The following UBE2L3 variants were observed in gnomAD, a reference collection of about 807,000 sequenced individuals.
UBE2L3 encodes ubiquitin-conjugating enzyme E2 L3.
A neutral mutation model predicts 17.8 loss-of-function variants in UBE2L3; 1 was observed. The observed-to-expected ratio is 0.06, with a 90% CI of 0.02 to 0.27. The LOEUF is 0.27. Ranked by LOEUF, UBE2L3 falls within the 10% of genes least tolerant of loss-of-function variation. The pLI is 1.00. For missense variants in UBE2L3, 40 were observed against 192.6 expected (o/e 0.21, Z 4.69); for synonymous variants, 44 against 68.5 (o/e 0.64, Z 1.76).
chr22:21,581,768 C>T (rs1408499095), intron 1 of UBE2L3, among the ~76,000 whole-genome samples: 11 of 150,446 alleles, frequency 7.3e-5, no homozygotes, highest in African/African-American at 2.7e-4. Context: ...CAACATTGCA[C>T]TCCAACCTGG....
At chr22:21,611,326 G>T (rs924405155) in intron 3 of UBE2L3, among the ~76,000 whole-genome samples, 4 of 152,222 alleles carry the variant, frequency 2.6e-5, no homozygotes, top group Non-Finnish European at 4.4e-5. Context: ...GTGCAGAGAG[G>T]TGCAGGCACT....
intron 3 of UBE2L3, among the ~76,000 whole-genome samples, chr22:21,613,112 T>C (rs1929592572): frequency 6.6e-6 from 1 of 152,182 alleles, no homozygotes; most frequent in African/African-American, 2.4e-5. Context: ...GCACCTCAGG[T>C]TCTGGCCACA....
chr22:21,600,040 G>A lies in UBE2L3; in HGVS notation c.123+7084G>A, dbSNP rs562967240. 5.9e-5 allele frequency among the ~76,000 whole-genome samples: 9 copies of A among 152,206 alleles called. No homozygotes were observed. The East Asian group carries it at 7.7e-4, about 13-fold the overall frequency. ...AAAATACTTATTCCTGGCCGGGCGC[G>A]GTGGCTCATGCCAGTAATCCCAGCA... On this transcript the variant is annotated intron_variant, in intron 2 of 3. Coordinates refer to ENST00000342192, the MANE Select transcript of UBE2L3 (RefSeq NM_003347.4).
intron 2 of UBE2L3, among the ~76,000 whole-genome samples, chr22:21,593,443 C>T (rs1928366147): frequency 6.6e-6 from 1 of 152,134 alleles, no homozygotes; most frequent in South Asian, 2.1e-4. Flanking sequence ...TTCCTAATTG[C>T]CCACATGTTC....
At chr22:21,612,486 C>T (rs983122121) in intron 3 of UBE2L3, among the ~76,000 whole-genome samples, 4 of 151,218 alleles carry the variant, frequency 2.6e-5, no homozygotes, top group African/African-American at 4.9e-5. Flanking sequence ...CCACCACGCC[C>T]GGCTAATTTT....
At chr22:21,567,818 G>C (rs979739588) in intron 1 of UBE2L3, 47 bp downstream of exon 1, 2 of 1,564,896 alleles carry the variant, frequency 1.3e-6, no homozygotes, top group South Asian at 1.2e-5. Context: ...CGGCGTCCTA[G>C]GCTCCGGATC....
At chr22:21,599,138 GC>G (rs1341556844) in intron 2 of UBE2L3, among the ~76,000 whole-genome samples, 1 of 152,100 alleles carries the variant, frequency 6.6e-6, no homozygotes, top group Non-Finnish European at 1.5e-5. Flanking sequence ...AAGCTTATTT[GC>G]ACAGCAGTTG....
At chr22:21,597,128 A>C (rs1268622641) in intron 2 of UBE2L3, among the ~76,000 whole-genome samples, 2 of 151,402 alleles carry the variant, frequency 1.3e-5, no homozygotes, top group African/African-American at 2.4e-5. Context: ...ATAGGCGTGC[A>C]CCACCACACC....
At chr22:21,594,253 G>A (rs1399475527) in intron 2 of UBE2L3, among the ~76,000 whole-genome samples, 1 of 152,190 alleles carries the variant, frequency 6.6e-6, no homozygotes, top group Non-Finnish European at 1.5e-5. Flanking sequence ...GCAGAGCATG[G>A]AGCATGCTTC....
In UBE2L3 at chr22:21,597,775, A is replaced by ATTTTTTTTTTTTTTTTTT. The variant is rs35054754; in HGVS notation, c.123+4834_123+4851dup. 3.9e-4 allele frequency among the ~76,000 whole-genome samples: 10 copies of ATTTTTTTTTTTTTTTTTT among 25,602 alleles called. 2 individuals are homozygous for ATTTTTTTTTTTTTTTTTT. Among genetic ancestry groups the ATTTTTTTTTTTTTTTTTT allele is most frequent in the Non-Finnish European group, 5.5e-4 (8 of 14,436 alleles). 16.8% of individuals were successfully genotyped at this position (25,602 alleles called of 152,430 possible). A position where few individuals can be genotyped will look rare whatever the true frequency, so the allele number is the denominator to read the frequency against. On this transcript the variant is annotated intron_variant, in intron 2 of 3. Transcript: ENST00000342192. ...GGATCTTTGATCCATTTATATGTAG[A>ATTTTTTTTTTTTTTTTTT]TTTTTTTTTTTTTTTTTTTTTTTTT...
At chr22:21,575,520 C>T (rs1319597507) in intron 1 of UBE2L3, among the ~76,000 whole-genome samples, 3 of 142,560 alleles carry the variant, frequency 2.1e-5, no homozygotes, top group South Asian at 2.5e-4. Context: ...ATCCGGGAGG[C>T]GGAGGTTGCA....
At chr22:21,617,493 C>G (rs1398718736) in intron 3 of UBE2L3, among the ~76,000 whole-genome samples, 1 of 152,226 alleles carries the variant, frequency 6.6e-6, no homozygotes, top group East Asian at 1.9e-4. Context: ...TCTTGAACTC[C>G]TGAGCTCAGA....
At chr22:21,617,636 G>A (rs1306931303) in intron 3 of UBE2L3, among the ~76,000 whole-genome samples, 1 of 152,088 alleles carries the variant, frequency 6.6e-6, no homozygotes, top group Non-Finnish European at 1.5e-5. Flanking sequence ...TTGGGTCATG[G>A]AAGAGACCAA....
intron 1 of UBE2L3, among the ~76,000 whole-genome samples, chr22:21,561,344 G>A (rs1407250842): frequency 6.6e-6 from 1 of 152,310 alleles, no homozygotes; most frequent in African/African-American, 2.4e-5. Flanking sequence ...GGGAGGCTGA[G>A]GTGGGAGAAT....
At chr22:21,615,806 G>C (rs1236735120) in intron 3 of UBE2L3, among the ~76,000 whole-genome samples, 1 of 152,200 alleles carries the variant, frequency 6.6e-6, no homozygotes, top group Non-Finnish European at 1.5e-5. Flanking sequence ...GAGGTTGTGT[G>C]GTTGAACAGT....
chr22:21,565,995 T>TG (rs1377578994), upstream of UBE2L3, among the ~76,000 whole-genome samples: 1 of 133,844 alleles, frequency 7.5e-6, no homozygotes, highest in Non-Finnish European at 1.6e-5. Context: ...TTTTTTAAGA[T>TG]GGAGTCTCAC....
upstream of UBE2L3, among the ~76,000 whole-genome samples, chr22:21,563,952 C>T (rs755249347): frequency 1.6e-4 from 25 of 151,622 alleles, no homozygotes; most frequent in African/African-American, 1.9e-4. Flanking sequence ...GTAATTCTCC[C>T]GCTTCAGCCT....
chr22:21,618,631 C>T (rs1929904195), intron 3 of UBE2L3, among the ~76,000 whole-genome samples: 1 of 151,398 alleles, frequency 6.6e-6, no homozygotes, highest in Non-Finnish European at 1.5e-5. Flanking sequence ...CTGTGTCACT[C>T]AGGCTGAGTA....
chr22:21,567,667 C>CGCTCCAGGAAGTGCGGGG, upstream of UBE2L3: 1 of 1,549,800 alleles, frequency 6.5e-7, no homozygotes, highest in Non-Finnish European at 8.7e-7. Context: ...GCCCCTCCCC[C>CGCTCCAGGAAGTGCGGGG]GCTCCAGGAA....
Sources: allele counts gnomAD v4.1 joint callset (sites outside exome capture counted in the v4.1 genomes callset), GRCh38; gene constraint gnomAD v4.1.1; transcripts MANE v1.5; gene names NCBI Gene and HGNC (gene_info 2026-07-23, HGNC 2026-07-21).